Variants in EIF4A1 observed in about 807,000 individuals in gnomAD.
EIF4A1 encodes the protein eukaryotic initiation factor 4A-I.
In EIF4A1, 11 loss-of-function variants were observed where a neutral mutation model predicts 53.5. The observed-to-expected ratio is 0.21, with a 90% CI of 0.13 to 0.34. The LOEUF is 0.34. Among genes scored for constraint, EIF4A1 ranks in the 10% least tolerant of loss-of-function variants. EIF4A1 has a pLI of 1.00. For missense variants in EIF4A1, 213 were observed against 530.8 expected (o/e 0.40, Z 5.88); for synonymous variants, 237 against 186.7 (o/e 1.27, Z -2.20).
Position 7,577,619 on chromosome 17 carries a change from C to T in EIF4A1, c.819C>T (p.Thr273=), listed in dbSNP as rs1444122560. The stretch of plus-strand genomic sequence containing the variant: ...ACTTGTATGAAACCCTGACCATCAC[C>T]CAGGCAGTCATCTTCATCAACACCC... ...LCDLYETLTI[T]QAVIFINTRR... Residue 273 remains threonine (T), a synonymous_variant, in exon 8 of 11, where the codon ACC becomes ACT. Transcript: ENST00000293831. The surrounding 1 kb of genome is among the most constrained non-coding windows in gnomAD (Gnocchi z 4.7). The T allele has an allele frequency of 2.5e-5, 40 of 1,613,370 alleles. No homozygotes were observed. Among genetic ancestry groups the T allele is most frequent in the Non-Finnish European group, 3.4e-5 (40 of 1,179,968 alleles).
rs1041359648 is a variant in EIF4A1, at chr17:7,573,963, G to A, written c.24-297G>A. On this transcript the variant is annotated intron_variant, in intron 1 of 10. Transcript: ENST00000293831. ...GGCTGGGTCGGGCCCACGTGGACCC[G>A]GCGGCAAGCACCACCTCTGGGCACC... is the stretch of plus-strand genomic sequence containing the variant. 9.5e-5 allele frequency: 39 copies of A among 409,268 alleles called. 1 individual carries two copies. The highest frequency in any genetic ancestry group is 8.9e-4 in the Admixed American group (22 of 24,612). The allele number at this position is 409,268 out of a possible 1,614,324, so 25.4% of individuals were successfully genotyped here.
At chr17:7,572,928 C>T (rs2071342710) in intron 1 of EIF4A1, 64 bp downstream of exon 1, 3 of 1,613,810 alleles carry the variant, frequency 1.9e-6, no homozygotes, top group Non-Finnish European at 2.5e-6. Flanking sequence ...GACGGGCCCG[C>T]CGGGGGTAGC....
rs143864020 is a variant in EIF4A1, at chr17:7,577,096, C to T, written c.555C>T (p.Asp185=). The part of the protein sequence containing the change: ...YIKMFVLDEA[D]EMLSRGFKDQ... ...AGATGTTTGTACTGGATGAAGCTGA[C>T]GAAATGTTAAGCCGTGGATTCAAGG... Residue 185 remains aspartate (D), a synonymous_variant, in exon 6 of 11, where the codon GAC becomes GAT. Transcript: ENST00000293831. The surrounding 1 kb of genome is among the most constrained non-coding windows in gnomAD (Gnocchi z 4.7). The T allele has an allele frequency of 1.9e-5, 30 of 1,612,428 alleles. No homozygotes were observed. The highest frequency in any genetic ancestry group is 1.1e-4 in the African/African-American group (8 of 74,804).
chr17:7,574,684 AC>A lies in EIF4A1; in HGVS notation c.205+8del, dbSNP rs2071376418. ...CATTCTACCTTGTATCAAGGGTGAG[AC>A]CTCTCAGTCCCAGAAGACATTGTGG... On this transcript the variant is annotated splice_region_variant and intron_variant, in intron 3 of 10. Transcript: ENST00000293831. 2 of 1,611,992 alleles carry A rather than the reference AC, an allele frequency of 1.2e-6. No individual in the cohort carries two copies. The highest frequency in any genetic ancestry group is 2.7e-5 in the African/African-American group (2 of 74,724).
intron 4 of EIF4A1, 150 bp downstream of exon 4, chr17:7,575,408 A>G: frequency 8.7e-7 from 1 of 1,154,548 alleles, no homozygotes; most frequent in Non-Finnish European, 1.3e-6. Flanking sequence ...ATTAAAAGCT[A>G]TTTCTTACCC....
chr17:7,578,309 C>T (rs750313356), intron 10 of EIF4A1, 33 bp from the exon 11 acceptor site: 5 of 1,613,458 alleles, frequency 3.1e-6, no homozygotes, highest in Non-Finnish European at 4.2e-6. Flanking sequence ...CTTAAAGCTC[C>T]TGATATTCCT....
chr17:7,574,063 A>G, intron 1 of EIF4A1, 197 bp from the exon 2 acceptor site: 1 of 629,674 alleles, frequency 1.6e-6, no homozygotes, highest in Non-Finnish European at 2.8e-6. Context: ...GCCTGGCCTG[A>G]GCCGCTGCCT....
At chr17:7,573,502 C>G (rs544505529) in intron 1 of EIF4A1, 3 of 154,266 alleles carry the variant, frequency 1.9e-5, no homozygotes, top group Non-Finnish European at 4.3e-5. Context: ...TATTGGCAAA[C>G]TGCGGATGGG....
At chr17:7,574,801 T>C (rs1481386915) in intron 3 of EIF4A1, 123 bp downstream of exon 3, 1 of 1,531,012 alleles carries the variant, frequency 6.5e-7, no homozygotes, top group Non-Finnish European at 8.9e-7. Context: ...CATCCCAGCT[T>C]GGCTTTTGAT....
Position 7,574,614 on chromosome 17 carries a change from C to T in EIF4A1, c.141C>T (p.Ile47=). 6.2e-7 allele frequency: 1 copy of T among 1,612,288 alleles called. No individual in the cohort carries two copies. The highest frequency in any genetic ancestry group is 1.7e-5 in the Admixed American group (1 of 60,016). ...MNLSESLLRG[I]YAYGFEKPSA... is the part of the protein sequence containing the mutation. ...TCTCGGAGTCCCTTCTCCGTGGCAT[C>T]TACGCGTATGGTTTTGAGAAGCCCT... Residue 47 remains isoleucine (I), a synonymous_variant, in exon 3 of 11, where the codon ATC becomes ATT. Coordinates refer to ENST00000293831, the MANE Select transcript of EIF4A1 (RefSeq NM_001416.4).
intron 3 of EIF4A1, 136 bp from the exon 4 acceptor site, chr17:7,574,983 G>A (rs2071381875): frequency 2.4e-6 from 3 of 1,252,746 alleles, no homozygotes; most frequent in Non-Finnish European, 3.4e-6. Context: ...TTGTGTAACT[G>A]TGTTGATTGG....
In EIF4A1 at chr17:7,577,337, C is replaced by G. The variant is rs554303388; in HGVS notation, c.625-7C>G. ...AGCACTCTAAGACTGGCCTTTTTTT[C>G]CACTAGGTAGTTTTGCTGTCAGCCA... On this transcript the variant is annotated splice_region_variant and splice_polypyrimidine_tract_variant and intron_variant, in intron 6 of 10. Coordinates refer to ENST00000293831, the MANE Select transcript of EIF4A1 (RefSeq NM_001416.4). The surrounding 1 kb of genome is among the most constrained non-coding windows in gnomAD (Gnocchi z 4.7). The G allele has an allele frequency of 6.2e-7, 1 of 1,612,106 alleles. No individual in the cohort carries two copies. Among genetic ancestry groups the G allele is most frequent in the Non-Finnish European group, 8.5e-7 (1 of 1,179,416 alleles).
chr17:7,576,702 T>A lies in EIF4A1; in HGVS notation c.514+10T>A. On this transcript the variant is annotated intron_variant, in intron 5 of 10. Transcript: ENST00000293831. ...AACCGGAGATACCTGTGTGAGTAATTCGGTTCTCCAATCCCCTGGGTCACT... is the reference window on the plus strand; with the variant it reads ...AACCGGAGATACCTGTGTGAGTAATACGGTTCTCCAATCCCCTGGGTCACT... 6.3e-7 allele frequency: 1 copy of A among 1,593,040 alleles called. No individual in the cohort carries two copies.
At position 7,577,318 on chromosome 17, in the gene EIF4A1, C is replaced by CTG; in HGVS notation, c.625-25_625-24insGT. 3.7e-6 allele frequency: 6 copies of CTG among 1,613,420 alleles called. No individual in the cohort carries two copies. Among genetic ancestry groups the CTG allele is most frequent in the Non-Finnish European group, 5.1e-6 (6 of 1,179,638 alleles). On this transcript the variant is annotated intron_variant, in intron 6 of 10. Coordinates refer to ENST00000293831, the MANE Select transcript of EIF4A1 (RefSeq NM_001416.4). This position sits in a 1 kb window ranked among gnomAD's most constrained non-coding sequence, Gnocchi z 4.7. ...CAGGCCTCAGGAAGGAACCAGCACT[C>CTG]TAAGACTGGCCTTTTTTTCCACTAG... is the stretch of plus-strand genomic sequence containing the variant.
At position 7,577,995 on chromosome 17, in the gene EIF4A1, T is replaced by A. The variant is rs762904888; in HGVS notation, c.996+79T>A. On this transcript the variant is annotated intron_variant, in intron 9 of 10. Transcript: ENST00000293831. This position sits in a 1 kb window ranked among gnomAD's most constrained non-coding sequence, Gnocchi z 4.7. ...CTCTCCAAGGGGACATCAGTGCCTCTCAGGAAAGTAGCAGCTTGGAATAGA... is the reference window on the plus strand; with the variant it reads ...CTCTCCAAGGGGACATCAGTGCCTCACAGGAAAGTAGCAGCTTGGAATAGA... 9 of 1,593,932 alleles carry A rather than the reference T, an allele frequency of 5.6e-6. No homozygotes were observed. The African/African-American group carries it at 1.2e-4, about 21-fold the overall frequency.
At chr17:7,573,493 A>G (rs2071354301) in intron 1 of EIF4A1, 1 of 151,650 alleles carries the variant, frequency 6.6e-6, no homozygotes, top group East Asian at 2.1e-4. Context: ...AAGCCGGGCT[A>G]TTGGCAAACT....
chr17:7,574,207 T>A, intron 1 of EIF4A1, 53 bp from the exon 2 acceptor site: 1 of 1,611,214 alleles, frequency 6.2e-7, no homozygotes, highest in South Asian at 1.1e-5. Flanking sequence ...GCTGTCAGGA[T>A]TTCTGAGTGC....
chr17:7,574,015 C>T, intron 1 of EIF4A1: 3 of 527,194 alleles, frequency 5.7e-6, no homozygotes, highest in East Asian at 3.2e-5. Context: ...GCCTGCCGGC[C>T]TGTCTTCAGA....
Position 7,574,697 on chromosome 17 carries a change from A to T in EIF4A1, c.205+19A>T. 1 of 1,612,194 alleles carries T rather than the reference A, an allele frequency of 6.2e-7. No homozygotes were observed. Among genetic ancestry groups the T allele is most frequent in the Non-Finnish European group, 8.5e-7 (1 of 1,180,010 alleles). On this transcript the variant is annotated intron_variant, in intron 3 of 10. Transcript: ENST00000293831. ...ATCAAGGGTGAGACCTCTCAGTCCC[A>T]GAAGACATTGTGGACTGTCCCTGAC...
Sources: allele counts gnomAD v4.1 joint callset, GRCh38; gene constraint gnomAD v4.1.1; non-coding constraint Gnocchi (gnomAD v3.1); transcripts MANE v1.5; gene names NCBI Gene and HGNC (gene_info 2026-07-23, HGNC 2026-07-21).